Variants in KIR2DL3 observed in about 807,000 individuals in gnomAD.
The protein encoded by KIR2DL3 is killer cell immunoglobulin like receptor, two Ig domains and long cytoplasmic tail 3.
A neutral mutation model predicts 33.8 loss-of-function variants in KIR2DL3; 39 were observed. The ratio of observed to expected loss-of-function variants is 1.15; its 90% CI spans 0.89 to 1.51. The LOEUF is 1.51. Among genes scored for constraint, KIR2DL3 ranks in the 40% most tolerant of loss-of-function variants. The probability of loss-of-function intolerance (pLI) is 0.00; values close to 1 mark genes in which losing one functional copy is unlikely to be tolerated. For missense variants in KIR2DL3, 462 were observed against 426.2 expected, an observed-to-expected ratio of 1.08 and a Z score of -0.74; for synonymous variants, 174 against 160.2, an observed-to-expected ratio of 1.09 and a Z score of -0.65.
In KIR2DL3 at chr19:54,738,638, T is replaced by C. The variant is rs1179326878; in HGVS notation, c.34+59T>C. On this transcript the variant is annotated intron_variant, in intron 1 of 7. Coordinates refer to ENST00000342376, the MANE Select transcript of KIR2DL3 (RefSeq NM_015868.3). Reference sequence around the variant, plus strand: ...CGGGGATGGAGATCGGGGCCCAGAGTTGGAGATATAGGCCTGGAAGTGGAG... The same window carrying C: ...CGGGGATGGAGATCGGGGCCCAGAGCTGGAGATATAGGCCTGGAAGTGGAG... The C allele has an allele frequency of 7.6e-6, 12 of 1,587,630 alleles. No individual in the cohort carries two copies. In the South Asian group the frequency reaches 1.0e-4, roughly 13 times the overall value.
chr19:54,743,334 A>G lies in KIR2DL3; in HGVS notation c.371-461A>G, dbSNP rs1278265665. On this transcript the variant is annotated intron_variant, in intron 3 of 7. Transcript: ENST00000342376. Reference sequence around the variant, plus strand: ...GAGAGAGAGATGATACATACATATAAATAACAGATGATTGATGGATAGATA... The same window carrying G: ...GAGAGAGAGATGATACATACATATAGATAACAGATGATTGATGGATAGATA... Among the ~76,000 whole-genome samples, 27 of 151,828 alleles carry G rather than the reference A, an allele frequency of 1.8e-4. No homozygotes were observed. In the South Asian group the frequency reaches 3.1e-3, roughly 18 times the overall value.
At chr19:54,748,873 C>T (rs1292052062) in intron 5 of KIR2DL3, among the ~76,000 whole-genome samples, 3 of 147,754 alleles carry the variant, frequency 2.0e-5, no homozygotes, top group Non-Finnish European at 3.0e-5. Flanking sequence ...GTGATCCGAC[C>T]GTCTCAGCAT....
rs1252536964 is a variant in KIR2DL3 at position 54,743,455 on chromosome 19, T to A, written c.371-340T>A. Among the ~76,000 whole-genome samples the A allele has an allele frequency of 1.5e-4, 23 of 152,314 alleles. No individual in the cohort carries two copies. The South Asian group carries it at 4.1e-3, about 27-fold the overall frequency. On this transcript the variant is annotated intron_variant, in intron 3 of 7. Coordinates refer to ENST00000342376, the MANE Select transcript of KIR2DL3 (RefSeq NM_015868.3). ...ATAGATAAATAGATAGATCGACAGA[T>A]AATAGATAGAAATATGCAGAAAGTT...
In KIR2DL3 at chr19:54,752,760, T is replaced by A; in HGVS notation, c.*241T>A. 1 of 625,792 alleles carries A rather than the reference T, an allele frequency of 1.6e-6. No individual in the cohort carries two copies. The highest frequency in any genetic ancestry group is 2.7e-5 in the East Asian group (1 of 36,794). The allele number at this position is 625,792 out of a possible 1,614,324, so 38.8% of individuals were successfully genotyped here. On this transcript the variant is annotated 3_prime_UTR_variant, in exon 8 of 8. Coordinates refer to ENST00000342376, the MANE Select transcript of KIR2DL3 (RefSeq NM_015868.3). ...CCTGCTGGAGAGAAAACACACTCCT[T>A]TGCTTAGCCCACAATTCTCCATTTC... is the stretch of plus-strand genomic sequence containing the variant.
In KIR2DL3 at chr19:54,743,821, G is replaced by A; in HGVS notation, c.397G>A (p.Ala133Thr). The A allele has an allele frequency of 6.2e-7, 1 of 1,610,588 alleles. No individual in the cohort carries two copies. Among genetic ancestry groups the A allele is most frequent in the Non-Finnish European group, 8.5e-7 (1 of 1,178,416 alleles). The change falls in exon 4 of 8, where the codon GCC becomes ACC. Residue 133 changes from alanine to threonine, a missense_variant. Transcript: ENST00000342376. ...TGLYEKPSLSAQPGPTVLAGE... is the reference protein window; with the variant it reads ...TGLYEKPSLSTQPGPTVLAGE... ...TCTATATGAGAAACCTTCTCTCTCA[G>A]CCCAGCCGGGCCCCACGGTTCTGGC...
chr19:54,743,112 G>A (rs1472821100), intron 3 of KIR2DL3, among the ~76,000 whole-genome samples: 2 of 151,764 alleles, frequency 1.3e-5, no homozygotes, highest in African/African-American at 2.4e-5. Context: ...ATTCCAAAGA[G>A]AACTAGAGAG....
At chr19:54,744,520 C>T (rs1331127712) in intron 4 of KIR2DL3, among the ~76,000 whole-genome samples, 3 of 151,140 alleles carry the variant, frequency 2.0e-5, no homozygotes, top group African/African-American at 7.4e-5. Context: ...TATAGCTTAC[C>T]ACCTTTAACA....
chr19:54,748,540 G>A (rs1422632125), intron 5 of KIR2DL3, among the ~76,000 whole-genome samples: 1 of 147,650 alleles, frequency 6.8e-6, no homozygotes, highest in African/African-American at 2.5e-5. Context: ...TGGTTAAATG[G>A]GAGGGCAGAA....
intron 4 of KIR2DL3, 114 bp from the exon 5 acceptor site, chr19:54,747,221 C>T (rs571645195): frequency 1.2e-5 from 16 of 1,327,790 alleles, no homozygotes; most frequent in African/African-American, 1.5e-5. Context: ...CCCAGGACTC[C>T]CAGGGCCCAA....
chr19:54,742,107 T>C lies in KIR2DL3; in HGVS notation c.198T>C (p.Phe66=). 1.9e-6 allele frequency: 3 copies of C among 1,613,812 alleles called. No individual in the cohort carries two copies. In the South Asian group the frequency reaches 3.3e-5, roughly 18 times the overall value. Residue 66 remains phenylalanine, a synonymous_variant, in exon 3 of 8, where the codon TTT becomes TTC. Transcript: ENST00000342376. The part of the protein sequence containing the change: ...QHFLLHREGK[F]KDTLHLIGEH... ...TCCTTCTGCACAGAGAAGGGAAGTT[T>C]AAGGACACTTTGCACCTCATTGGAG...
At chr19:54,744,942 ATATATATATATATTTTTTT>A (rs1455073173) in intron 4 of KIR2DL3, among the ~76,000 whole-genome samples, 2 of 24,218 alleles carry the variant, frequency 8.3e-5, no homozygotes, top group African/African-American at 1.3e-4. Context: ...ATATATATAT[ATATATATATATATTTTTTT>A]TTTTTTTTTT....
intron 2 of KIR2DL3, among the ~76,000 whole-genome samples, chr19:54,740,039 T>C (rs2070724732): frequency 6.6e-6 from 1 of 151,986 alleles, no homozygotes. Context: ...TCTTACAGTA[T>C]TAAAATCTAG....
At chr19:54,750,594 A>C (rs2073269251) in intron 5 of KIR2DL3, among the ~76,000 whole-genome samples, 1 of 136,454 alleles carries the variant, frequency 7.3e-6, no homozygotes, top group African/African-American at 2.8e-5. Flanking sequence ...CCTAAAGCAC[A>C]TTCGCTGTGT....
rs1313612026 is a variant in KIR2DL3 at position 54,743,960 on chromosome 19, G to C, written c.536G>C (p.Gly179Ala). Residue 179 changes from glycine to alanine, a missense_variant, in exon 4 of 8, where the codon GGA (glycine) becomes GCA (alanine). Gly to Ala is a moderately conservative substitution (Grantham distance 60). Coordinates refer to ENST00000342376, the MANE Select transcript of KIR2DL3 (RefSeq NM_015868.3). Reference sequence around the variant, plus strand: ...TTCTCTGCAGGGCCCAAGGTCAACGGAACATTCCAGGCCGACTTTCCTCTG... The same window carrying C: ...TTCTCTGCAGGGCCCAAGGTCAACGCAACATTCCAGGCCGACTTTCCTCTG... ...RRFSAGPKVN[G>A]TFQADFPLGP... 6.2e-7 allele frequency: 1 copy of C among 1,614,108 alleles called. No individual in the cohort carries two copies. Among genetic ancestry groups the C allele is most frequent in the Admixed American group, 1.7e-5 (1 of 60,012 alleles).
At chr19:54,739,613 T>G (rs879043665) in intron 2 of KIR2DL3, 71 bp downstream of exon 2, 1 of 1,574,012 alleles carries the variant, frequency 6.4e-7, no homozygotes, top group Non-Finnish European at 8.7e-7. Context: ...AGGAGGGAAG[T>G]CCTGTCGGGG....
At chr19:54,743,060 C>G (rs1425765072) in intron 3 of KIR2DL3, among the ~76,000 whole-genome samples, 1 of 151,488 alleles carries the variant, frequency 6.6e-6, no homozygotes, top group Non-Finnish European at 1.5e-5. Context: ...GAGAGAGGCA[C>G]AAGGACATAG....
At chr19:54,740,546 T>C (rs1213833920) in intron 2 of KIR2DL3, among the ~76,000 whole-genome samples, 1 of 151,460 alleles carries the variant, frequency 6.6e-6, no homozygotes, top group Non-Finnish European at 1.5e-5. Flanking sequence ...GTGATCGTGG[T>C]CATAGGTCAG....
At chr19:54,742,510 G>T (rs779190609) in intron 3 of KIR2DL3, among the ~76,000 whole-genome samples, 67 of 152,206 alleles carry the variant, frequency 4.4e-4, no homozygotes, top group Non-Finnish European at 8.7e-4. Flanking sequence ...AAGACAGAAA[G>T]AGTTAAAAGA....
At chr19:54,749,047 C>T (rs370898198) in intron 5 of KIR2DL3, among the ~76,000 whole-genome samples, 265 of 151,040 alleles carry the variant, frequency 1.8e-3, no homozygotes, top group Middle Eastern at 0.01. Context: ...GAAAGATTGG[C>T]GGAAGGATTT....
Sources: gnomAD v4.1 joint callset for allele counts (sites outside exome capture counted in the v4.1 genomes callset) on GRCh38, gnomAD v4.1.1 for gene constraint, MANE v1.5 for transcripts, NCBI Gene and HGNC (gene_info 2026-07-23, HGNC 2026-07-21) for gene names.